The following NAALADL2 variants were observed in gnomAD, a reference collection of about 807,000 sequenced individuals.
NAALADL2 encodes N-acetylated alpha-linked acidic dipeptidase like 2, also known as inactive N-acetylated-alpha-linked acidic dipeptidase-like protein 2.
NAALADL2 carries 76 observed loss-of-function variants against 87.2 expected under a neutral mutation model. The ratio of observed to expected loss-of-function variants is 0.87; its 90% confidence interval spans 0.72 to 1.05. NAALADL2 has a LOEUF of 1.05. Among genes scored for constraint, NAALADL2 ranks in the 50% least tolerant of loss-of-function variants. The pLI is 0.00. For missense variants in NAALADL2, 1,089 were observed against 945.8 expected, an observed-to-expected ratio of 1.15 and a Z score of -1.99; for synonymous variants, 354 against 331.0, an observed-to-expected ratio of 1.07 and a Z score of -0.75.
At chr3:174,875,261 TAAAC>T (rs951962443) in intron 1 of NAALADL2, among the ~76,000 whole-genome samples, 6 of 151,194 alleles carry the variant, frequency 4.0e-5, no homozygotes, top group African/African-American at 1.2e-4. Flanking sequence ...TGTAAGAAAA[TAAAC>T]AATATAAATG....
intron 3 of NAALADL2, among the ~76,000 whole-genome samples, chr3:174,810,407 A>G (rs1223173410): frequency 1.3e-5 from 2 of 152,094 alleles, no homozygotes; most frequent in Non-Finnish European, 2.9e-5. Flanking sequence ...GGAACTTACT[A>G]AGAAGTGGAG....
At chr3:175,000,302 C>T (rs1748059922) in intron 1 of NAALADL2, among the ~76,000 whole-genome samples, 1 of 152,190 alleles carries the variant, frequency 6.6e-6, no homozygotes, top group South Asian at 2.1e-4. Flanking sequence ...AGTCTATGCT[C>T]AGCCTGAATA....
intron 13 of NAALADL2, 51 bp downstream of exon 13, chr3:175,755,469 A>G (rs1747147962): frequency 1.5e-6 from 2 of 1,350,992 alleles, no homozygotes; most frequent in African/African-American, 2.9e-5. Context: ...TTAAATGTTT[A>G]TGTTTAACTT....
At chr3:175,398,101 C>G (rs1338723861) in intron 5 of NAALADL2, among the ~76,000 whole-genome samples, 1 of 152,082 alleles carries the variant, frequency 6.6e-6, no homozygotes, top group Non-Finnish European at 1.5e-5. Flanking sequence ...GAGAAAGTTT[C>G]TGTTCATTTG....
intron 2 of NAALADL2, among the ~76,000 whole-genome samples, chr3:175,212,402 C>G (rs908615240): frequency 6.6e-6 from 1 of 151,970 alleles, no homozygotes; most frequent in Admixed American, 6.6e-5. Context: ...GGGTCTGTTA[C>G]ATTTATGTTA....
At chr3:174,499,912 A>G (rs2108366123) in intron 1 of NAALADL2, among the ~76,000 whole-genome samples, 1 of 152,130 alleles carries the variant, frequency 6.6e-6, no homozygotes, top group East Asian at 1.9e-4. Context: ...AGTCTAGGTT[A>G]TTTGGATTTC....
intron 9 of NAALADL2, among the ~76,000 whole-genome samples, chr3:175,481,972 CA>C (rs1164540102): frequency 1.3e-5 from 2 of 151,760 alleles, no homozygotes; most frequent in Non-Finnish European, 2.9e-5. Context: ...AGTGTATCTC[CA>C]GAAAAAAATT....
At chr3:175,800,055 T>C (rs980057316) in intron 13 of NAALADL2, among the ~76,000 whole-genome samples, 5 of 152,192 alleles carry the variant, frequency 3.3e-5, no homozygotes, top group Non-Finnish European at 7.3e-5. Flanking sequence ...TATTCCCAGA[T>C]TGCATATTTC....
At chr3:174,765,143 C>CATGAGAGA (rs150906568) in intron 3 of NAALADL2, among the ~76,000 whole-genome samples, 38 of 124,634 alleles carry the variant, frequency 3.0e-4, no homozygotes, top group South Asian at 2.4e-3. Flanking sequence ...CACACACACA[C>CATGAGAGA]GAGAGAGAGA....
rs891201444 is a variant in NAALADL2, at chr3:174,561,452, G to A, written c.-115+10815G>A. On this transcript the variant is annotated intron_variant, in intron 2 of 3. Transcript: ENST00000434257. ...CCTGACCTTGTGATCCACCCTCCTC[G>A]GCCTCCCAAAGTGCTGAGATTACCG... Among the ~76,000 whole-genome samples the A allele has an allele frequency of 2.0e-5, 3 of 151,816 alleles. No individual in the cohort carries two copies. In the South Asian group the frequency reaches 6.2e-4, roughly 32 times the overall value.
intron 5 of NAALADL2, among the ~76,000 whole-genome samples, chr3:175,349,146 A>AAG (rs748786337): frequency 6.6e-6 from 1 of 151,690 alleles, no homozygotes; most frequent in Non-Finnish European, 1.5e-5. Flanking sequence ...ATAAGAATGA[A>AAG]AGAGAGAGAG....
intron 13 of NAALADL2, among the ~76,000 whole-genome samples, chr3:175,756,599 A>C (rs912105410): frequency 3.9e-5 from 6 of 152,172 alleles, no homozygotes; most frequent in African/African-American, 1.2e-4. Flanking sequence ...GCATGTGCTC[A>C]CATATAAGTT....
intron 2 of NAALADL2, among the ~76,000 whole-genome samples, chr3:174,717,706 A>T (rs564695587): frequency 7.9e-5 from 12 of 152,378 alleles, no homozygotes; most frequent in African/African-American, 2.6e-4. Context: ...TCCTTCTGGA[A>T]TATTAAATAT....
chr3:175,303,729 C>T (rs535554349), intron 4 of NAALADL2, among the ~76,000 whole-genome samples: 107 of 152,296 alleles, frequency 7.0e-4, no homozygotes, highest in African/African-American at 2.5e-3. Flanking sequence ...TAAATAATAA[C>T]CATGATTCTC....
At chr3:175,454,949 C>T (rs1472515516) in intron 6 of NAALADL2, among the ~76,000 whole-genome samples, 2 of 152,070 alleles carry the variant, frequency 1.3e-5, no homozygotes, top group Non-Finnish European at 2.9e-5. Flanking sequence ...AGTGCTTATG[C>T]ACATGGTGTG....
intron 5 of NAALADL2, among the ~76,000 whole-genome samples, chr3:175,357,075 CT>C (rs1764463727): frequency 6.6e-6 from 1 of 152,114 alleles, no homozygotes; most frequent in Admixed American, 6.6e-5. Context: ...GTCATGGAAC[CT>C]TTTCTTTTTA....
At chr3:175,189,643 C>A (rs564243441) in intron 2 of NAALADL2, among the ~76,000 whole-genome samples, 1 of 151,978 alleles carries the variant, frequency 6.6e-6, no homozygotes, top group Non-Finnish European at 1.5e-5. Flanking sequence ...GCTTACTATC[C>A]GAGACAATAC....
rs955974217 is a variant in NAALADL2 at position 174,522,638 on chromosome 3, TAAAAC to T, written c.-183-27928_-183-27924del. ...TGGGCGACAGACCAAGACCGTGTCTTAAAACAACAAGAAAGGCCGGGTGCAGTGGC... is the reference window on the plus strand; with the variant it reads ...TGGGCGACAGACCAAGACCGTGTCTTAACAAGAAAGGCCGGGTGCAGTGGC... On this transcript the variant is annotated intron_variant, in intron 1 of 3. Coordinates refer to the NAALADL2 transcript ENST00000434257. 5.9e-5 allele frequency among the ~76,000 whole-genome samples: 9 copies of T among 151,414 alleles called. No individual in the cohort carries two copies. In the East Asian group the frequency reaches 1.6e-3, roughly 26 times the overall value.
intron 2 of NAALADL2, among the ~76,000 whole-genome samples, chr3:175,142,103 A>G (rs1730086864): frequency 6.6e-6 from 1 of 152,088 alleles, no homozygotes; most frequent in Admixed American, 6.6e-5. Context: ...ACACATTTTA[A>G]GCTCTCAGTA....
Sources: allele counts gnomAD v4.1 joint callset (sites outside exome capture counted in the v4.1 genomes callset), GRCh38; gene constraint gnomAD v4.1.1; transcripts MANE v1.5; gene names NCBI Gene and HGNC (gene_info 2026-07-23, HGNC 2026-07-21).